Variants in DLEU7 observed in about 807,000 individuals in gnomAD.
DLEU7 encodes leukemia-associated protein 7.
Under a neutral mutation model 16.0 loss-of-function variants are expected in DLEU7, and 17 were observed. The ratio of observed to expected loss-of-function variants is 1.06; its 90% CI spans 0.73 to 1.59. DLEU7 has a LOEUF of 1.59. Ranked by LOEUF, DLEU7 falls within the 40% of genes most tolerant of loss-of-function variation. DLEU7 has a pLI of 0.00. For missense variants in DLEU7, 308 were observed against 314.9 expected (o/e 0.98, Z 0.17); for synonymous variants, 113 against 139.8 (o/e 0.81, Z 1.35).
chr13:50,763,848 C>T (rs1948153749), intron 1 of DLEU7, among the ~76,000 whole-genome samples: 1 of 152,218 alleles, frequency 6.6e-6, no homozygotes. Context: ...CATCTGTAAA[C>T]TGCAAACAAC....
intron 1 of DLEU7, among the ~76,000 whole-genome samples, chr13:50,724,183 T>G (rs1873701483): frequency 6.6e-6 from 1 of 152,192 alleles, no homozygotes; most frequent in Non-Finnish European, 1.5e-5. Flanking sequence ...TGCAGTCCTT[T>G]AAGCAAACTA....
intron 1 of DLEU7, among the ~76,000 whole-genome samples, chr13:50,809,431 C>T (rs1264752506): frequency 2.0e-5 from 3 of 152,042 alleles, no homozygotes; most frequent in Non-Finnish European, 4.4e-5. Flanking sequence ...TACTTGACGC[C>T]GGACATAATG....
intron 1 of DLEU7, among the ~76,000 whole-genome samples, chr13:50,749,044 C>G (rs1259808873): frequency 6.6e-6 from 1 of 151,920 alleles, no homozygotes; most frequent in Non-Finnish European, 1.5e-5. Context: ...CACCCCCTCC[C>G]ACCCTTCCCC....
Position 50,843,606 on chromosome 13 carries a change from T to C in DLEU7, c.41A>G (p.Gln14Arg), listed in dbSNP as rs1389764735. The C allele has an allele frequency of 9.3e-6, 14 of 1,509,696 alleles. No homozygotes were observed. The allele number at this position is 1,509,696 out of a possible 1,614,324, so 93.5% of individuals were successfully genotyped here. ...CTGCAAGGTCTGCAGAGCCACCATTTGGTGGCTGATGGAGGCCACTAAGGG... is the reference window on the plus strand; with the variant it reads ...CTGCAAGGTCTGCAGAGCCACCATTCGGTGGCTGATGGAGGCCACTAAGGG... ...PAPLVASISH[Q>R]MVALQTLQLL... The change falls in exon 1 of 2, where the codon CAA becomes CGA. Residue 14 changes from glutamine to arginine, a missense_variant. Transcript: ENST00000504404. This position sits in a 1 kb window ranked among gnomAD's most constrained non-coding sequence, Gnocchi z 5.7.
intron 1 of DLEU7, among the ~76,000 whole-genome samples, chr13:50,792,033 C>T (rs1875974192): frequency 6.6e-6 from 1 of 152,182 alleles, no homozygotes; most frequent in Non-Finnish European, 1.5e-5. Flanking sequence ...CTGGGGAAAA[C>T]TCTATCAAGT....
At chr13:50,840,502 A>C (rs1877615697) in intron 1 of DLEU7, among the ~76,000 whole-genome samples, 1 of 152,226 alleles carries the variant, frequency 6.6e-6, no homozygotes, top group African/African-American at 2.4e-5. Context: ...CGCTGTTCCC[A>C]GGGGCCCTAA....
At chr13:50,791,723 A>G (rs1306577608) in intron 1 of DLEU7, among the ~76,000 whole-genome samples, 1 of 152,210 alleles carries the variant, frequency 6.6e-6, no homozygotes, top group Non-Finnish European at 1.5e-5. Context: ...GTAAACATCT[A>G]TTTAAAATGA....
At chr13:50,744,062 G>A (rs1374114222) in intron 1 of DLEU7, among the ~76,000 whole-genome samples, 2 of 152,094 alleles carry the variant, frequency 1.3e-5, no homozygotes, top group Admixed American at 1.3e-4. Context: ...GAAGGAGAAG[G>A]GATATATGCT....
At chr13:50,814,072 ATT>A (rs1876649960) in intron 1 of DLEU7, among the ~76,000 whole-genome samples, 1 of 152,178 alleles carries the variant, frequency 6.6e-6, no homozygotes, top group Non-Finnish European at 1.5e-5. Flanking sequence ...GATAATAGTC[ATT>A]TTTTAATATA....
intron 1 of DLEU7, among the ~76,000 whole-genome samples, chr13:50,804,089 C>T (rs572657581): frequency 6.6e-6 from 1 of 152,152 alleles, no homozygotes; most frequent in Admixed American, 6.5e-5. Context: ...ATTAATTTCA[C>T]CCTTTTCCCA....
At chr13:50,740,626 C>T (rs900534155) in intron 1 of DLEU7, among the ~76,000 whole-genome samples, 2 of 151,998 alleles carry the variant, frequency 1.3e-5, no homozygotes, top group African/African-American at 2.4e-5. Context: ...GCCTTTTTAT[C>T]GCTAATCTCT....
intron 1 of DLEU7, among the ~76,000 whole-genome samples, chr13:50,783,526 A>G (rs993001066): frequency 1.3e-5 from 2 of 152,166 alleles, no homozygotes; most frequent in Non-Finnish European, 2.9e-5. Context: ...CACCACTATG[A>G]TTAGCTTAGA....
At chr13:50,787,290 T>C (rs1169704719) in intron 1 of DLEU7, among the ~76,000 whole-genome samples, 1 of 152,228 alleles carries the variant, frequency 6.6e-6, no homozygotes, top group Admixed American at 6.5e-5. Context: ...GAAATGTTAC[T>C]GTTAGCATTA....
intron 1 of DLEU7, among the ~76,000 whole-genome samples, chr13:50,781,697 G>T (rs1334641648): frequency 6.6e-6 from 1 of 152,080 alleles, no homozygotes; most frequent in African/African-American, 2.4e-5. Flanking sequence ...GCCTGTCTTT[G>T]CCGGGAAGAC....
chr13:50,756,893 C>T (rs1344036739), intron 1 of DLEU7, among the ~76,000 whole-genome samples: 7 of 152,168 alleles, frequency 4.6e-5, no homozygotes, highest in African/African-American at 9.7e-5. Flanking sequence ...GGGCCTTTCC[C>T]GCTGCTTCCT....
exon 2 of DLEU7, chr13:50,712,924 A>G: frequency 2.6e-6 from 1 of 381,354 alleles, no homozygotes; most frequent in Non-Finnish European, 4.7e-6. Flanking sequence ...ATTTGTCACG[A>G]TCTTCTTAAT....
chr13:50,719,852 A>G (rs1873546141), intron 1 of DLEU7: 1 of 152,232 alleles, frequency 6.6e-6, no homozygotes, highest in South Asian at 2.1e-4. Context: ...CTTGAGTTAA[A>G]GTATCTTTTA....
intron 1 of DLEU7, among the ~76,000 whole-genome samples, chr13:50,835,049 G>C (rs1390794741): frequency 1.3e-5 from 2 of 151,290 alleles, no homozygotes; most frequent in Non-Finnish European, 2.9e-5. Context: ...GTAGGGGGGT[G>C]GGGGGCTAGG....
intron 1 of DLEU7, among the ~76,000 whole-genome samples, chr13:50,753,583 G>C (rs1252885775): frequency 6.6e-6 from 1 of 152,224 alleles, no homozygotes; most frequent in African/African-American, 2.4e-5. Context: ...GGGCCAGCAG[G>C]GCAGGCCAGC....
Sources: gnomAD v4.1 joint callset for allele counts (sites outside exome capture counted in the v4.1 genomes callset) on GRCh38, gnomAD v4.1.1 for gene constraint, Gnocchi (gnomAD v3.1) non-coding constraint, MANE v1.5 for transcripts, NCBI Gene and HGNC (gene_info 2026-07-23, HGNC 2026-07-21) for gene names.